Variants in DCHS1 observed in about 807,000 individuals in gnomAD.
The protein encoded by DCHS1 is protocadherin-16.
Under a neutral mutation model 213.9 loss-of-function variants are expected in DCHS1, and 78 were observed. The observed-to-expected ratio is 0.36, with a 90% CI of 0.30 to 0.44. The LOEUF (loss-of-function observed/expected upper bound fraction) is 0.44, where lower values mean the gene tolerates loss of function less well. DCHS1 is among the 20% of genes least tolerant of loss of function. The pLI is 1.00. For synonymous variants in DCHS1, 1,828 were observed against 1,873.7 expected, an observed-to-expected ratio of 0.98 and a Z score of 0.63; for missense variants, 3,946 against 4,395.9, an observed-to-expected ratio of 0.90 and a Z score of 2.89.
In DCHS1 at chr11:6,626,520, T is replaced by C. The variant is rs945207707; in HGVS notation, c.6364+32A>G. ...AAGAACCTGCTTCCCCAGTAGCCTG[T>C]CCTGCACAGAGCCCCTGCTCCTATT... On this transcript the variant is annotated intron_variant, in intron 15 of 20. Transcript: ENST00000299441. This position sits in a 1 kb window ranked among gnomAD's most constrained non-coding sequence, Gnocchi z 5.2. 2.4e-5 allele frequency: 39 copies of C among 1,611,786 alleles called. No homozygotes were observed. Among genetic ancestry groups the C allele is most frequent in the Non-Finnish European group, 3.1e-5 (37 of 1,178,144 alleles).
chr11:6,640,599 C>T lies in DCHS1; in HGVS notation c.1015G>A (p.Ala339Thr). 1 of 1,608,988 alleles carries T rather than the reference C, an allele frequency of 6.2e-7. No homozygotes were observed. Reference sequence around the variant, plus strand: ...AAGGCCGAGCCCAGCTCAGGGTGAGCCCCACCATCTCGTGCTTGCACCACC... The same window carrying T: ...AAGGCCGAGCCCAGCTCAGGGTGAGTCCCACCATCTCGTGCTTGCACCACC... The part of the protein sequence containing the change: ...ELVVQARDGG[A>T]HPELGSAFVT... Residue 339 changes from alanine (A) to threonine (T), a missense_variant, in exon 2 of 21, where the codon GCT (alanine) becomes ACT (threonine). Around this residue, in one of 3 missense-constraint regions of DCHS1, gnomAD observed 3,384 missense variants for 3,780.1 expected, o/e 0.90. Transcript: ENST00000299441. This position sits in a 1 kb window ranked among gnomAD's most constrained non-coding sequence, Gnocchi z 6.5.
Position 6,640,948 on chromosome 11 carries a change from C to T in DCHS1, c.666G>A (p.Met222Ile). ...CACCATCATAGGCCTCCAGCTGTAG[C>T]ATATAGTGTGAGCGGTTCTCTCGGT... ...ELDRENRSHY[M>I]LQLEAYDGGS... The change falls in exon 2 of 21, where the codon ATG (methionine) becomes ATA (isoleucine). Residue 222 changes from methionine (M) to isoleucine (I), a missense_variant. This residue lies in a region of DCHS1 where 3,384 missense variants were observed against 3,780.1 expected (regional missense o/e 0.90). Transcript: ENST00000299441. The surrounding 1 kb of genome is among the most constrained non-coding windows in gnomAD (Gnocchi z 6.5). The T allele has an allele frequency of 6.2e-7, 1 of 1,614,038 alleles. No homozygotes were observed. Among genetic ancestry groups the T allele is most frequent in the Non-Finnish European group, 8.5e-7 (1 of 1,179,894 alleles).
rs779905407 is a variant in DCHS1 at position 6,632,908 on chromosome 11, G to A, written c.2604C>T (p.Gly868=). ...CAGCGAAAGCTGGGGGCACTCCACTGCCTGCTCGCACCTCCAGCTCCAACA... is the reference window on the plus strand; with the variant it reads ...CAGCGAAAGCTGGGGGCACTCCACTACCTGCTCGCACCTCCAGCTCCAACA... ...GPVLELEVRA[G]SGVPPAFAVA... The change falls in exon 6 of 21, where the codon GGC becomes GGT. Residue 868 remains glycine (G), a synonymous_variant. Transcript: ENST00000299441. This position sits in a 1 kb window ranked among gnomAD's most constrained non-coding sequence, Gnocchi z 5.9. 4.2e-5 allele frequency: 67 copies of A among 1,613,890 alleles called. No homozygotes were observed. Among genetic ancestry groups the A allele is most frequent in the Non-Finnish European group, 2.5e-6 (3 of 1,179,896 alleles).
chr11:6,653,100 C>A (rs1237318905), intron 1 of DCHS1, among the ~76,000 whole-genome samples: 1 of 152,170 alleles, frequency 6.6e-6, no homozygotes, highest in African/African-American at 2.4e-5. Flanking sequence ...GAATTTCTTT[C>A]TGTGGCCTCC....
rs1432518407 is a variant in DCHS1 at position 6,626,424 on chromosome 11, C to T, written c.6365-44G>A. ...ATCAGTGATAGCCCCCTTTGCTTGCCCTGGAGCCTCCTTCTCTAAGACCCC... is the reference window on the plus strand; with the variant it reads ...ATCAGTGATAGCCCCCTTTGCTTGCTCTGGAGCCTCCTTCTCTAAGACCCC... On this transcript the variant is annotated intron_variant, in intron 15 of 20. Coordinates refer to ENST00000299441, the MANE Select transcript of DCHS1 (RefSeq NM_003737.4). The surrounding 1 kb of genome is among the most constrained non-coding windows in gnomAD (Gnocchi z 5.2). 4 of 1,605,848 alleles carry T rather than the reference C, an allele frequency of 2.5e-6. No homozygotes were observed. In the African/African-American group the frequency reaches 4.0e-5, roughly 16 times the overall value.
Position 6,625,986 on chromosome 11 carries a change from A to G in DCHS1, c.6665T>C (p.Val2222Ala). ...ASQPARGLFH[V>A]DPTTGTITTT... ...AGTGATAGTGCCTGTGGTTGGGTCTACGTGGAACAATCCACGTGCCGGCTG... is the reference window on the plus strand; with the variant it reads ...AGTGATAGTGCCTGTGGTTGGGTCTGCGTGGAACAATCCACGTGCCGGCTG... The change falls in exon 17 of 21, where the codon GTA (valine) becomes GCA (alanine). Residue 2222 changes from valine (V) to alanine (A), a missense_variant. Around this residue, in one of 3 missense-constraint regions of DCHS1, gnomAD observed 3,384 missense variants for 3,780.1 expected, o/e 0.90. Transcript: ENST00000299441. The surrounding 1 kb of genome is among the most constrained non-coding windows in gnomAD (Gnocchi z 5.3). The G allele has an allele frequency of 6.2e-7, 1 of 1,613,484 alleles. No homozygotes were observed. The highest frequency in any genetic ancestry group is 8.5e-7 in the Non-Finnish European group (1 of 1,179,700).
rs1855904273 is a variant in DCHS1 at position 6,631,337 on chromosome 11, T to C, written c.3746A>G (p.Asn1249Ser). ...AGTTAGCGTGTACAAGATGGTCCCA[T>C]TCTCCCCCTCATCTGGATCCTTCGC... is the stretch of plus-strand genomic sequence containing the variant. ...LQAKDPDEGE[N>S]GTILYTLTGP... The change falls in exon 8 of 21, where the codon AAT becomes AGT. Residue 1249 changes from asparagine to serine, a missense_variant. Asn to Ser is a conservative substitution (Grantham distance 46). This residue lies in a region of DCHS1 where 3,384 missense variants were observed against 3,780.1 expected (regional missense o/e 0.90). Coordinates refer to ENST00000299441, the MANE Select transcript of DCHS1 (RefSeq NM_003737.4). 1 of 1,613,966 alleles carries C rather than the reference T, an allele frequency of 6.2e-7. No individual in the cohort carries two copies. The highest frequency in any genetic ancestry group is 1.7e-5 in the Admixed American group (1 of 60,036).
Position 6,641,728 on chromosome 11 carries a change from C to T in DCHS1, c.-115G>A. On this transcript the variant is annotated 5_prime_UTR_variant, in exon 2 of 21. Coordinates refer to ENST00000299441, the MANE Select transcript of DCHS1 (RefSeq NM_003737.4). This position sits in a 1 kb window ranked among gnomAD's most constrained non-coding sequence, Gnocchi z 7.1. ...GGGGCCCTGGCTCCAGCTCAGGCTC[C>T]CTGACCTGGGAGAAAACAGAAGGAA... 2.1e-6 allele frequency: 3 copies of T among 1,441,514 alleles called. No homozygotes were observed. The highest frequency in any genetic ancestry group is 2.7e-6 in the Non-Finnish European group (3 of 1,099,466). The allele number at this position is 1,441,514 out of a possible 1,614,324, so 89.3% of individuals were successfully genotyped here. A position where few individuals can be genotyped will look rare whatever the true frequency, so the allele number is the denominator to read the frequency against.
At position 6,641,094 on chromosome 11, in the gene DCHS1, G is replaced by C. The variant is rs775548805; in HGVS notation, c.520C>G (p.Arg174Gly). ...LEPARDADAG[R>G]LGTQGYALSG... ...AGCGCATAGCCCTGGGTTCCCAGAC[G>C]CCCAGCATCTGCATCACGAGCAGGC... The change falls in exon 2 of 21, where the codon CGT becomes GGT. Residue 174 changes from arginine (R) to glycine (G), a missense_variant. Around this residue, in one of 3 missense-constraint regions of DCHS1, gnomAD observed 3,384 missense variants for 3,780.1 expected, o/e 0.90. Coordinates refer to ENST00000299441, the MANE Select transcript of DCHS1 (RefSeq NM_003737.4). The surrounding 1 kb of genome is among the most constrained non-coding windows in gnomAD (Gnocchi z 7.1). 6.2e-7 allele frequency: 1 copy of C among 1,613,814 alleles called. No homozygotes were observed. Among genetic ancestry groups the C allele is most frequent in the Non-Finnish European group, 8.5e-7 (1 of 1,179,904 alleles).
chr11:6,630,090 T>C lies in DCHS1; in HGVS notation c.4704A>G (p.Val1568=), dbSNP rs530546569. 6.3e-7 allele frequency: 1 copy of C among 1,595,726 alleles called. No individual in the cohort carries two copies. The highest frequency in any genetic ancestry group is 1.7e-5 in the Admixed American group (1 of 57,726). ...CCTCGCCCAGATCCGGGTCCCGGGC[T>C]ACCACGTGCAGGGCCGCGGGCCCAG... The part of the protein sequence containing the change: ...QPPGPAALHV[V]ARDPDLGEAA... Residue 1568 remains valine, a synonymous_variant, in exon 10 of 21, where the codon GTA becomes GTG. Transcript: ENST00000299441.
Position 6,631,609 on chromosome 11 carries a change from C to A in DCHS1, c.3675+7G>T, listed in dbSNP as rs1301369062. 6.4e-7 allele frequency: 1 copy of A among 1,567,888 alleles called. No homozygotes were observed. Among genetic ancestry groups the A allele is most frequent in the Admixed American group, 1.8e-5 (1 of 55,872 alleles). On this transcript the variant is annotated splice_region_variant and intron_variant, in intron 7 of 20. Coordinates refer to ENST00000299441, the MANE Select transcript of DCHS1 (RefSeq NM_003737.4). ...TTCTCAGGACAAAGTCCTGCCACTT[C>A]ACATACCTGTATAGGGAGGCCCCCA...
chr11:6,630,473 G>C lies in DCHS1; in HGVS notation c.4321C>G (p.Leu1441Val). ...EHAPAFARDP[L>V]ALALPENPEP... ...GGGTTCTCTGGCAGCGCCAGCGCCA[G>C]CGGGTCGCGCGCAAAGGCGGGCGCA... Residue 1441 changes from leucine to valine, a missense_variant, in exon 10 of 21, where the codon CTG (leucine) becomes GTG (valine). Physicochemically the swap from Leu to Val is conservative, Grantham distance 32. Transcript: ENST00000299441. 1 of 1,530,078 alleles carries C rather than the reference G, an allele frequency of 6.5e-7. No homozygotes were observed. The highest frequency in any genetic ancestry group is 1.4e-5 in the African/African-American group (1 of 70,652). 94.8% of individuals were successfully genotyped at this position (1,530,078 alleles called of 1,614,324 possible).
rs372468355 is a variant in DCHS1, at chr11:6,632,870, C to A, written c.2642G>T (p.Arg881Leu). 6.2e-7 allele frequency: 1 copy of A among 1,613,888 alleles called. No individual in the cohort carries two copies. Among genetic ancestry groups the A allele is most frequent in the African/African-American group, 1.3e-5 (1 of 74,908 alleles). ...VPPAFAVARVRVLLDDVNDNS... is the reference protein window; with the variant it reads ...VPPAFAVARVLVLLDDVNDNS... ...GTCATTCACATCATCCAGCAGCACA[C>A]GCACCCGAGCTACAGCGAAAGCTGG... Residue 881 changes from arginine to leucine, a missense_variant, in exon 6 of 21, where the codon CGT becomes CTT. By Grantham distance (102) the Arg-to-Leu change is moderately radical. Coordinates refer to ENST00000299441, the MANE Select transcript of DCHS1 (RefSeq NM_003737.4). The surrounding 1 kb of genome is among the most constrained non-coding windows in gnomAD (Gnocchi z 5.9).
intron 10 of DCHS1, 25 bp downstream of exon 10, chr11:6,629,974 C>A (rs760654642): frequency 6.3e-7 from 1 of 1,589,476 alleles, no homozygotes; most frequent in South Asian, 1.1e-5. Flanking sequence ...CCTTCCTCGC[C>A]CTCACTCCCA....
rs1234589078 is a variant in DCHS1 at position 6,630,218 on chromosome 11, G to C, written c.4576C>G (p.Arg1526Gly). The C allele has an allele frequency of 6.4e-7, 1 of 1,563,348 alleles. No individual in the cohort carries two copies. Among genetic ancestry groups the C allele is most frequent in the Non-Finnish European group, 8.6e-7 (1 of 1,156,658 alleles). The part of the protein sequence containing the change: ...TDRPANASRR[R>G]AARVSARVFV... ...ACGCGCGCTGAAACGCGCGCTGCAC[G>C]ACGGCGGCTGGCGTTGGCGGGCCGG... is the stretch of plus-strand genomic sequence containing the variant. Residue 1526 changes from arginine (R) to glycine (G), a missense_variant, in exon 10 of 21, where the codon CGT (arginine) becomes GGT (glycine). Around this residue, in one of 3 missense-constraint regions of DCHS1, gnomAD observed 3,384 missense variants for 3,780.1 expected, o/e 0.90. Transcript: ENST00000299441.
At position 6,630,046 on chromosome 11, in the gene DCHS1, C is replaced by G. The variant is rs745492776; in HGVS notation, c.4748G>C (p.Arg1583Pro). The part of the protein sequence containing the change: ...DLGEAARVSY[R>P]LASGGDGHFR... ...GTGGCCGTCCCCGCCAGATGCCAGC[C>G]GATAGGACACGCGTGCAGCCTCGCC... The change falls in exon 10 of 21, where the codon CGG (arginine) becomes CCG (proline). Residue 1583 changes from arginine to proline, a missense_variant. Around this residue, in one of 3 missense-constraint regions of DCHS1, gnomAD observed 3,384 missense variants for 3,780.1 expected, o/e 0.90. Coordinates refer to ENST00000299441, the MANE Select transcript of DCHS1 (RefSeq NM_003737.4). 6.4e-7 allele frequency: 1 copy of G among 1,559,422 alleles called. No homozygotes were observed. Among genetic ancestry groups the G allele is most frequent in the Non-Finnish European group, 8.7e-7 (1 of 1,149,348 alleles).
intron 1 of DCHS1, among the ~76,000 whole-genome samples, chr11:6,646,958 G>A (rs1856167049): frequency 6.6e-6 from 1 of 152,138 alleles, no homozygotes; most frequent in African/African-American, 2.4e-5. Flanking sequence ...GGTGCTCCAG[G>A]AGGAAGTAGA....
At chr11:6,630,933 C>T in intron 9 of DCHS1, 70 bp from the exon 10 acceptor site, 1 of 1,496,148 alleles carries the variant, frequency 6.7e-7, no homozygotes. Flanking sequence ...GCTGGCTTCC[C>T]AGGTGGTAGG....
Position 6,623,017 on chromosome 11 carries a change from C to A in DCHS1, c.8659G>T (p.Gly2887Trp). Residue 2887 changes from glycine (G) to tryptophan (W), a missense_variant, in exon 21 of 21, where the codon GGG becomes TGG. By Grantham distance (184) the Gly-to-Trp change is radical (BLOSUM62 -2). Around this residue, in one of 3 missense-constraint regions of DCHS1, gnomAD observed 554 missense variants for 590.2 expected, o/e 0.94. Transcript: ENST00000299441. ...PGSGTATSGG[G>W]GRTRREAPRE... The stretch of plus-strand genomic sequence containing the variant: ...GGTGCTTCCCGCCGGGTCCGGCCCC[C>A]ACCCCCAGAGGTGGCTGTTCCGCTG... 6.4e-7 allele frequency: 1 copy of A among 1,573,054 alleles called. No individual in the cohort carries two copies. Among genetic ancestry groups the A allele is most frequent in the Non-Finnish European group, 8.6e-7 (1 of 1,159,754 alleles).
Sources: gnomAD v4.1 joint callset for allele counts (sites outside exome capture counted in the v4.1 genomes callset) on GRCh38, gnomAD v4.1.1 for gene constraint, gnomAD v4.1.1 regional missense constraint, Gnocchi (gnomAD v3.1) non-coding constraint, MANE v1.5 for transcripts, NCBI Gene and HGNC (gene_info 2026-07-23, HGNC 2026-07-21) for gene names.